The following GATA4 variants were observed in gnomAD, a reference collection of about 807,000 sequenced individuals.
GATA4 encodes the protein GATA binding protein 4.
A neutral mutation model predicts 37.9 loss-of-function variants in GATA4; 7 were observed. The ratio of observed to expected loss-of-function variants is 0.18; its 90% CI spans 0.11 to 0.35. GATA4 has a LOEUF of 0.35. Ranked by LOEUF, GATA4 falls within the 10% of genes least tolerant of loss-of-function variation. The pLI is 1.00. For missense variants in GATA4, 647 were observed against 653.0 expected (o/e 0.99, Z 0.10); for synonymous variants, 372 against 292.6 (o/e 1.27, Z -2.77).
Position 11,687,417 on chromosome 8 carries a change from G to A in GATA4, c.-274+10354G>A, listed in dbSNP as rs538727778. Among the ~76,000 whole-genome samples, 117 of 152,176 alleles carry A rather than the reference G, an allele frequency of 7.7e-4. 5 individuals carry two copies. The South Asian group carries it at 0.022, about 29-fold the overall frequency. ...TCCACCTGTAATCAAAATAGAATCC[G>A]GGAGGTCAAGCAATCCTCCTCTTGG... On this transcript the variant is annotated intron_variant, in intron 1 of 6. Coordinates refer to the GATA4 transcript ENST00000528712.
At chr8:11,730,785 C>G (rs1563214669) in intron 2 of GATA4, among the ~76,000 whole-genome samples, 1 of 152,208 alleles carries the variant, frequency 6.6e-6, no homozygotes, top group Non-Finnish European at 1.5e-5. Flanking sequence ...TGTCCATGGG[C>G]AGGAGAAGAA....
At chr8:11,730,357 C>T (rs781706156) in intron 2 of GATA4, among the ~76,000 whole-genome samples, 18 of 152,218 alleles carry the variant, frequency 1.2e-4, no homozygotes, top group South Asian at 8.3e-4. Context: ...TGAAACCAGA[C>T]ACCTCTTAGA....
At chr8:11,694,614 C>T (rs1394739874) in intron 1 of GATA4, 9 of 643,988 alleles carry the variant, frequency 1.4e-5, no homozygotes, top group Non-Finnish European at 1.7e-5. Flanking sequence ...AGAGGAAACA[C>T]AATATTTTGT....
At chr8:11,677,121 G>C (rs1420397772) in intron 1 of GATA4, 1 of 152,622 alleles carries the variant, frequency 6.6e-6, no homozygotes, top group Non-Finnish European at 1.5e-5. Context: ...TGGGATGCTG[G>C]GGGAATGGAA....
rs1800071020 is a variant in GATA4 at position 11,709,571 on chromosome 8, G to A, written c.616+643G>A. On this transcript the variant is annotated intron_variant, in intron 2 of 6. Coordinates refer to ENST00000532059, the MANE Select transcript of GATA4 (RefSeq NM_001308093.3). This position sits in a 1 kb window ranked among gnomAD's most constrained non-coding sequence, Gnocchi z 4.3. ...CCGAGCGCGTGGGCGCATCATGCGG[G>A]CAGCGGGGGGGGGGGCGCACACGCC... 9.3e-6 allele frequency among the ~76,000 whole-genome samples: 1 copy of A among 107,420 alleles called. No individual in the cohort carries two copies. The highest frequency in any genetic ancestry group is 2.4e-5 in the Non-Finnish European group (1 of 41,186). The allele number at this position is 107,420 out of a possible 152,430, so 70.5% of individuals were successfully genotyped here. A position where few individuals can be genotyped will look rare whatever the true frequency, so the allele number is the denominator to read the frequency against.
chr8:11,748,213 CGTCTCAAAAAGAGAAAAGAA>C, intron 2 of GATA4, among the ~76,000 whole-genome samples: 1 of 151,862 alleles, frequency 6.6e-6, no homozygotes, highest in East Asian at 1.9e-4. Context: ...AGTGAAACTC[CGTCTCAAAAAGAGAAAAGAA>C]GTCTCACAAA....
chr8:11,683,125 C>T lies in GATA4; in HGVS notation c.-274+6062C>T, dbSNP rs572144869. The T allele has an allele frequency of 1.2e-5, 12 of 985,338 alleles. No homozygotes were observed. The East Asian group carries it at 1.1e-3, about 93-fold the overall frequency. 61.0% of individuals were successfully genotyped at this position (985,338 alleles called of 1,614,324 possible). On this transcript the variant is annotated intron_variant, in intron 1 of 6. Coordinates refer to the GATA4 transcript ENST00000528712. ...CCTTGGAAAGCTCTTGGTGTGGTGGCCACTGGGGTTTGCTCCAGCAGAGAT... is the reference window on the plus strand; with the variant it reads ...CCTTGGAAAGCTCTTGGTGTGGTGGTCACTGGGGTTTGCTCCAGCAGAGAT...
intron 2 of GATA4, among the ~76,000 whole-genome samples, chr8:11,744,062 G>A (rs115855074): frequency 1.1e-3 from 171 of 152,306 alleles, no homozygotes; most frequent in African/African-American, 3.9e-3. Flanking sequence ...CTTGCTGTCA[G>A]TTGGTTCCTG....
chr8:11,707,316 GGT>G lies in GATA4; in HGVS notation c.-457-539_-457-538del, dbSNP rs1491252772. Among the ~76,000 whole-genome samples, 2 of 138,184 alleles carry G rather than the reference GGT, an allele frequency of 1.4e-5. No individual in the cohort carries two copies. The highest frequency in any genetic ancestry group is 6.4e-5 in the African/African-American group (2 of 31,308). The allele number at this position is 138,184 out of a possible 152,430, so 90.7% of individuals were successfully genotyped here. A position where few individuals can be genotyped will look rare whatever the true frequency, so the allele number is the denominator to read the frequency against. Reference sequence around the variant, plus strand: ...TTATAAACATTTGGACTCTACTTCTGGTTTTTTTTTTTTTTAATTACAAACAA... The same window carrying G: ...TTATAAACATTTGGACTCTACTTCTGTTTTTTTTTTTTTAATTACAAACAA... On this transcript the variant is annotated intron_variant, in intron 1 of 6. Transcript: ENST00000532059. This position sits in a 1 kb window ranked among gnomAD's most constrained non-coding sequence, Gnocchi z 4.7.
intron 6 of GATA4, among the ~76,000 whole-genome samples, chr8:11,757,762 C>T (rs1026125882): frequency 1.3e-5 from 2 of 152,236 alleles, no homozygotes; most frequent in Non-Finnish European, 2.9e-5. Flanking sequence ...TCCCTGCCTC[C>T]TCCCCTCTGC....
At chr8:11,710,580 C>G (rs538414751) in intron 2 of GATA4, among the ~76,000 whole-genome samples, 8 of 146,302 alleles carry the variant, frequency 5.5e-5, no homozygotes, top group Admixed American at 4.8e-4. Context: ...GTCTCAGCTA[C>G]TGGGGAAGCT....
intron 5 of GATA4, among the ~76,000 whole-genome samples, chr8:11,755,798 C>A (rs1040899403): frequency 6.6e-6 from 1 of 151,856 alleles, no homozygotes; most frequent in East Asian, 1.9e-4. Flanking sequence ...TACCACTCTG[C>A]CTTCTTAATT....
chr8:11,746,195 T>G lies in GATA4; in HGVS notation c.617-2721T>G, dbSNP rs552936391. ...CTAGAGGTTGCAATGCCCACTGCAC[T>G]GCAGCCTGGGTGACAGAGTGAGACT... On this transcript the variant is annotated intron_variant, in intron 2 of 6. Coordinates refer to ENST00000532059, the MANE Select transcript of GATA4 (RefSeq NM_001308093.3). 4.6e-5 allele frequency among the ~76,000 whole-genome samples: 7 copies of G among 150,962 alleles called. 1 individual carries two copies. The highest frequency in any genetic ancestry group is 1.7e-4 in the African/African-American group (7 of 41,048).
intron 1 of GATA4, chr8:11,697,985 C>T (rs1799556360): frequency 1.0e-6 from 1 of 985,362 alleles, no homozygotes; most frequent in Admixed American, 6.1e-5. Context: ...CCTACCATAA[C>T]CACTGTCCTC....
intron 4 of GATA4, among the ~76,000 whole-genome samples, chr8:11,750,887 C>A (rs1476842408): frequency 6.6e-6 from 1 of 151,768 alleles, no homozygotes; most frequent in Non-Finnish European, 1.5e-5. Flanking sequence ...TTTGAGGCTG[C>A]AGTGAGCTCT....
At chr8:11,705,589 T>C (rs936864042) in intron 1 of GATA4, among the ~76,000 whole-genome samples, 8 of 152,192 alleles carry the variant, frequency 5.3e-5, no homozygotes, top group Non-Finnish European at 1.2e-4. Context: ...CTCCCCGATT[T>C]TGGCAGCCTC....
intron 1 of GATA4, among the ~76,000 whole-genome samples, chr8:11,686,878 A>G (rs1251248455): frequency 1.3e-5 from 2 of 151,988 alleles, no homozygotes; most frequent in African/African-American, 4.8e-5. Flanking sequence ...CGCGCCTGTA[A>G]TCCCAGCTAC....
rs1244392588 is a variant in GATA4 at position 11,749,064 on chromosome 8, C to T, written c.765C>T (p.Leu255=). Reference sequence around the variant, plus strand: ...AGATGAACGGCATCAACCGGCCGCTCATCAAGCCTCAGCGCCGGCTGGTAA... The same window carrying T: ...AGATGAACGGCATCAACCGGCCGCTTATCAAGCCTCAGCGCCGGCTGGTAA... The part of the protein sequence containing the change: ...YHKMNGINRP[L]IKPQRRLSAS... Residue 255 remains leucine (L), a synonymous_variant, in exon 3 of 7, where the codon CTC becomes CTT. Coordinates refer to ENST00000532059, the MANE Select transcript of GATA4 (RefSeq NM_001308093.3). This position sits in a 1 kb window ranked among gnomAD's most constrained non-coding sequence, Gnocchi z 4.6. The T allele has an allele frequency of 4.3e-6, 7 of 1,614,218 alleles. No homozygotes were observed. The highest frequency in any genetic ancestry group is 2.2e-5 in the East Asian group (1 of 44,888).
chr8:11,750,800 A>G (rs1308801157), intron 4 of GATA4, among the ~76,000 whole-genome samples: 1 of 129,450 alleles, frequency 7.7e-6, no homozygotes, highest in African/African-American at 2.9e-5. Flanking sequence ...AAAAAAATCT[A>G]GCTGGGCATG....
Sources: gnomAD v4.1 joint callset for allele counts (sites outside exome capture counted in the v4.1 genomes callset) on GRCh38, gnomAD v4.1.1 for gene constraint, Gnocchi (gnomAD v3.1) non-coding constraint, MANE v1.5 for transcripts, NCBI Gene and HGNC (gene_info 2026-07-23, HGNC 2026-07-21) for gene names.